LMBRD1: variants seen among roughly 807,000 people sequenced by gnomAD.
LMBRD1 encodes lysosomal cobalamin transport escort protein LMBD1.
Under a neutral mutation model 74.8 loss-of-function variants are expected in LMBRD1, and 64 were observed. The observed-to-expected ratio is 0.86, with a 90% CI of 0.70 to 1.05. LMBRD1 has a LOEUF of 1.05. LMBRD1 is among the 50% of genes least tolerant of loss of function. LMBRD1 has a pLI of 0.00. For synonymous variants in LMBRD1, 204 were observed against 216.3 expected (o/e 0.94, Z 0.50); for missense variants, 652 against 645.9 (o/e 1.01, Z -0.10).
chr6:69,746,644 G>C (rs1333699668), intron 5 of LMBRD1: 1 of 152,462 alleles, frequency 6.6e-6, no homozygotes, highest in Non-Finnish European at 1.5e-5. Flanking sequence ...AGGCATTGGA[G>C]GGTCCCTTCA....
Position 69,796,812 on chromosome 6 carries a change from C to T in LMBRD1, c.69+1G>A. 6.2e-7 allele frequency: 1 copy of T among 1,613,668 alleles called. No individual in the cohort carries two copies. Among genetic ancestry groups the T allele is most frequent in the Non-Finnish European group, 8.5e-7 (1 of 1,179,792 alleles). On this transcript the variant is annotated splice_donor_variant, in intron 1 of 15. Transcript: ENST00000649934. LOFTEE classifies it high-confidence loss of function. ...GGGAAAACTCCAAGCGCCTCCCCTA[C>T]CAGTAGTAAGAGGCCGAATATGCAC...
chr6:69,699,795 G>C (rs1481466337), intron 12 of LMBRD1, among the ~76,000 whole-genome samples: 1 of 151,692 alleles, frequency 6.6e-6, no homozygotes, highest in Non-Finnish European at 1.5e-5. Context: ...TTTATTACTA[G>C]ATTGTAGTAC....
At chr6:69,700,452 C>T (rs1443049998) in intron 12 of LMBRD1, among the ~76,000 whole-genome samples, 1 of 151,640 alleles carries the variant, frequency 6.6e-6, no homozygotes, top group Non-Finnish European at 1.5e-5. Flanking sequence ...GTAAGTCTGC[C>T]CTATGCACTA....
intron 2 of LMBRD1, among the ~76,000 whole-genome samples, chr6:69,787,652 A>G (rs1765986181): frequency 6.6e-6 from 1 of 152,212 alleles, no homozygotes; most frequent in Non-Finnish European, 1.5e-5. Context: ...AAGCTCTGGC[A>G]GAAGAATCGC....
At chr6:69,787,040 T>A (rs576637524) in intron 2 of LMBRD1, among the ~76,000 whole-genome samples, 22 of 152,200 alleles carry the variant, frequency 1.4e-4, no homozygotes, top group Non-Finnish European at 2.5e-4. Context: ...TGTCAACTTG[T>A]ACATTCATCT....
chr6:69,692,372 C>A (rs772256199), intron 14 of LMBRD1, among the ~76,000 whole-genome samples: 1 of 152,080 alleles, frequency 6.6e-6, no homozygotes, highest in Non-Finnish European at 1.5e-5. Flanking sequence ...TTATAGAGAT[C>A]ATTCCATTTC....
chr6:69,686,812 C>T (rs769668343), intron 14 of LMBRD1, among the ~76,000 whole-genome samples: 10 of 152,174 alleles, frequency 6.6e-5, no homozygotes, highest in Non-Finnish European at 8.8e-5. Context: ...AACTATGGCA[C>T]GCAGGGCAAA....
Position 69,741,736 on chromosome 6 carries a change from C to T in LMBRD1, c.562+53G>A, listed in dbSNP as rs558591132. 8.1e-6 allele frequency: 9 copies of T among 1,109,392 alleles called. No homozygotes were observed. In the Admixed American group the frequency reaches 1.0e-4, roughly 13 times the overall value. The allele number at this position is 1,109,392 out of a possible 1,614,324, so 68.7% of individuals were successfully genotyped here. ...ACAAATAAACTGCTTCTCAAAAGTC[C>T]AAAGTATCAGGAAATATAAACTACT... On this transcript the variant is annotated intron_variant, in intron 6 of 15. Coordinates refer to ENST00000649934, the MANE Select transcript of LMBRD1 (RefSeq NM_018368.4).
At chr6:69,696,086 C>T (rs985945201) in intron 14 of LMBRD1, among the ~76,000 whole-genome samples, 4 of 152,120 alleles carry the variant, frequency 2.6e-5, no homozygotes, top group African/African-American at 7.2e-5. Flanking sequence ...TAAGGTGATC[C>T]GCCTGCCTCG....
At chr6:69,738,883 C>T (rs1767033817) in intron 6 of LMBRD1, among the ~76,000 whole-genome samples, 1 of 152,034 alleles carries the variant, frequency 6.6e-6, no homozygotes, top group South Asian at 2.1e-4. Flanking sequence ...TGACATTAAT[C>T]TTTTATGAGT....
At chr6:69,796,714 G>T in intron 1 of LMBRD1, 99 bp downstream of exon 1, 1 of 1,114,090 alleles carries the variant, frequency 9.0e-7, no homozygotes, top group South Asian at 1.3e-5. Flanking sequence ...GGGGCGGGGC[G>T]AAGAGGGTCT....
chr6:69,749,281 T>C (rs1765065269), intron 5 of LMBRD1, 60 bp downstream of exon 5: 1 of 1,312,758 alleles, frequency 7.6e-7, no homozygotes, highest in Non-Finnish European at 1.1e-6. Context: ...TCCTTTTATT[T>C]TTTTTTTCAA....
In LMBRD1 at chr6:69,780,502, C is replaced by A; in HGVS notation, c.299G>T (p.Gly100Val). 6.2e-7 allele frequency: 1 copy of A among 1,606,870 alleles called. No individual in the cohort carries two copies. The highest frequency in any genetic ancestry group is 2.2e-5 in the East Asian group (1 of 44,824). Reference sequence around the variant, plus strand: ...AACTGAAAGATACTTACTATAGTAACCGTATAATACAGTGTCCTCAATCTG... The same window carrying A: ...AACTGAAAGATACTTACTATAGTAAACGTATAATACAGTGTCCTCAATCTG... ...SRQIEDTVLYGYYTLYSVILF... is the reference protein window; with the variant it reads ...SRQIEDTVLYVYYTLYSVILF... The change falls in exon 3 of 16, where the codon GGT (glycine) becomes GTT (valine). Residue 100 changes from glycine (G) to valine (V), a missense_variant. Physicochemically the swap from Gly to Val is moderately radical, Grantham distance 109. Around this residue, in one of 3 missense-constraint regions of LMBRD1, gnomAD observed 598 missense variants for 581.8 expected, o/e 1.03. Transcript: ENST00000649934.
chr6:69,796,764 C>A (rs1249905630), intron 1 of LMBRD1, 49 bp downstream of exon 1: 3 of 1,577,328 alleles, frequency 1.9e-6, no homozygotes, highest in Non-Finnish European at 2.6e-6. Context: ...CTGCCCCTCC[C>A]TTCCTCCCCC....
intron 14 of LMBRD1, among the ~76,000 whole-genome samples, chr6:69,681,885 T>C (rs1765670601): frequency 6.6e-6 from 1 of 151,924 alleles, no homozygotes; most frequent in Non-Finnish European, 1.5e-5. Context: ...TTTGAAATTA[T>C]TTATAAAATG....
At position 69,692,888 on chromosome 6, in the gene LMBRD1, T is replaced by C. The variant is rs142335016; in HGVS notation, c.1417+4675A>G. Among the ~76,000 whole-genome samples, 1,272 of 152,278 alleles carry C rather than the reference T, an allele frequency of 8.4e-3. 14 individuals carry two copies. Among genetic ancestry groups the C allele is most frequent in the Non-Finnish European group, 0.013 (877 of 67,974 alleles). On this transcript the variant is annotated intron_variant, in intron 14 of 15. Transcript: ENST00000649934. ...AGTGCTGAACATGTGTTTTCTCTGG[T>C]ACTTTCTCTTTCCCAAAATCAAACC...
intron 5 of LMBRD1, chr6:69,746,515 C>A: frequency 6.5e-6 from 1 of 154,304 alleles, no homozygotes; most frequent in Non-Finnish European, 1.5e-5. Context: ...CATCCCTGAT[C>A]TATAGGAAGC....
chr6:69,693,513 C>G (rs1160984203), intron 14 of LMBRD1, among the ~76,000 whole-genome samples: 1 of 151,954 alleles, frequency 6.6e-6, no homozygotes, highest in African/African-American at 2.4e-5. Context: ...TAACTTTTCT[C>G]AGAAAGAATT....
At chr6:69,734,487 C>T (rs1416581752) in intron 7 of LMBRD1, among the ~76,000 whole-genome samples, 2 of 151,954 alleles carry the variant, frequency 1.3e-5, no homozygotes, top group African/African-American at 4.8e-5. Flanking sequence ...CCTCTGCCTG[C>T]CGAATTCAAG....
Sources: gnomAD v4.1 joint callset for allele counts (sites outside exome capture counted in the v4.1 genomes callset) on GRCh38, gnomAD v4.1.1 for gene constraint, gnomAD v4.1.1 regional missense constraint, MANE v1.5 for transcripts, NCBI Gene and HGNC (gene_info 2026-07-23, HGNC 2026-07-21) for gene names.